Variants in LGR6 observed in about 807,000 individuals in gnomAD.
LGR6 encodes the protein leucine rich repeat containing G protein-coupled receptor 6, also known as leucine-rich repeat-containing G protein-coupled receptor 6.
Under a neutral mutation model 69.4 loss-of-function variants are expected in LGR6, and 45 were observed. The ratio of observed to expected loss-of-function variants is 0.65; its 90% CI spans 0.51 to 0.83. The LOEUF is 0.83. LGR6 is among the 40% of genes least tolerant of loss of function. LGR6 has a pLI of 0.00. For missense variants in LGR6, 1,108 were observed against 1,246.7 expected, an observed-to-expected ratio of 0.89 and a Z score of 1.68; for synonymous variants, 538 against 555.0, an observed-to-expected ratio of 0.97 and a Z score of 0.43.
chr1:202,260,243 T>A (rs1664119345), intron 4 of LGR6, among the ~76,000 whole-genome samples: 1 of 152,000 alleles, frequency 6.6e-6, no homozygotes, highest in Non-Finnish European at 1.5e-5. Context: ...TTTGTCATGT[T>A]GGCCAGACTG....
chr1:202,298,428 A>C (rs1364057440), intron 7 of LGR6, among the ~76,000 whole-genome samples: 1 of 152,168 alleles, frequency 6.6e-6, no homozygotes, highest in Non-Finnish European at 1.5e-5. Context: ...AGCTCTCAGG[A>C]AACAATAAGA....
intron 16 of LGR6, among the ~76,000 whole-genome samples, chr1:202,312,000 C>T (rs1386679338): frequency 1.3e-5 from 2 of 152,210 alleles, no homozygotes; most frequent in Admixed American, 6.5e-5. Flanking sequence ...GGGACATTCC[C>T]GGATGTCTGC....
intron 2 of LGR6, among the ~76,000 whole-genome samples, chr1:202,227,505 C>G (rs1339175279): frequency 1.3e-5 from 2 of 152,126 alleles, no homozygotes; most frequent in African/African-American, 4.8e-5. Context: ...ACAGACACAC[C>G]CCCTGGTACT....
chr1:202,307,417 A>G lies in LGR6; in HGVS notation c.1280+16A>G, dbSNP rs746366327. On this transcript the variant is annotated intron_variant, in intron 14 of 17. Transcript: ENST00000367278. ...TGGTCAAGCTGTAAGTGCCTGCTGC[A>G]TTCTCCTCCAGGATGCTGGGGGCCA... 1.3e-5 allele frequency: 21 copies of G among 1,613,158 alleles called. No homozygotes were observed. The highest frequency in any genetic ancestry group is 1.8e-5 in the Non-Finnish European group (21 of 1,179,220).
intron 6 of LGR6, among the ~76,000 whole-genome samples, chr1:202,285,776 T>A (rs1183628869): frequency 6.6e-6 from 1 of 152,162 alleles, no homozygotes; most frequent in Non-Finnish European, 1.5e-5. Flanking sequence ...TAATTTCCTG[T>A]GGCTGCCATA....
intron 6 of LGR6, among the ~76,000 whole-genome samples, chr1:202,289,685 G>A (rs1017608316): frequency 1.3e-5 from 2 of 152,178 alleles, no homozygotes; most frequent in Non-Finnish European, 2.9e-5. Flanking sequence ...TAAAGTTTTG[G>A]TTGGTTCCTG....
At chr1:202,310,863 T>C (rs770176499) in intron 16 of LGR6, among the ~76,000 whole-genome samples, 31 of 152,108 alleles carry the variant, frequency 2.0e-4, no homozygotes, top group African/African-American at 3.1e-4. Context: ...AAGTCCATCC[T>C]GCACCTCCAG....
At chr1:202,285,839 A>G (rs370102310) in intron 6 of LGR6, among the ~76,000 whole-genome samples, 3 of 152,180 alleles carry the variant, frequency 2.0e-5, no homozygotes, top group African/African-American at 7.2e-5. Context: ...ATTCTCTCAC[A>G]GTTCTAGAGG....
At chr1:202,237,744 TC>T (rs1322332447) in intron 4 of LGR6, among the ~76,000 whole-genome samples, 1 of 152,054 alleles carries the variant, frequency 6.6e-6, no homozygotes, top group Non-Finnish European at 1.5e-5. Context: ...AGAGGTCAAG[TC>T]CCCCACTCCC....
chr1:202,281,590 C>T (rs971539298), intron 6 of LGR6, among the ~76,000 whole-genome samples: 1 of 152,126 alleles, frequency 6.6e-6, no homozygotes, highest in African/African-American at 2.4e-5. Context: ...GCTGGGGTCC[C>T]TCAGCATCCA....
chr1:202,315,613 G>A (rs1347103001), intron 17 of LGR6, among the ~76,000 whole-genome samples: 3 of 152,028 alleles, frequency 2.0e-5, no homozygotes, highest in Admixed American at 6.5e-5. Flanking sequence ...AGAATGAACA[G>A]AAGTGATGAA....
intron 4 of LGR6, among the ~76,000 whole-genome samples, chr1:202,243,119 C>A (rs4993651): frequency 0.041 from 6,217 of 152,240 alleles, 158 homozygotes; most frequent in East Asian, 0.1. Flanking sequence ...CTCTCAAGAG[C>A]AATTCTGAGA....
chr1:202,214,727 C>G (rs1659649196), intron 1 of LGR6, among the ~76,000 whole-genome samples: 1 of 152,128 alleles, frequency 6.6e-6, no homozygotes, highest in South Asian at 2.1e-4. Flanking sequence ...TTCAAGAGCT[C>G]TATAAACTGC....
chr1:202,305,872 T>A lies in LGR6; in HGVS notation c.1136+123T>A, dbSNP rs1168973651. ...ACACTTTGACATTTCTTCCTTCTCT[T>A]TTCTGAGTTTGTTTAACCCAGAGTT... On this transcript the variant is annotated intron_variant, in intron 12 of 17. Coordinates refer to ENST00000367278, the MANE Select transcript of LGR6 (RefSeq NM_001017403.2). 9 of 819,656 alleles carry A rather than the reference T, an allele frequency of 1.1e-5. No homozygotes were observed. In the African/African-American group the frequency reaches 1.2e-4, roughly 11 times the overall value. 50.8% of individuals were successfully genotyped at this position (819,656 alleles called of 1,614,324 possible). A position where few individuals can be genotyped will look rare whatever the true frequency, so the allele number is the denominator to read the frequency against.
intron 15 of LGR6, 138 bp from the exon 16 acceptor site, chr1:202,310,059 A>C (rs1186843773): frequency 1.2e-6 from 1 of 814,294 alleles, no homozygotes; most frequent in Non-Finnish European, 2.0e-6. Context: ...GACTGCCAGC[A>C]CAGTGAACAG....
intron 1 of LGR6, among the ~76,000 whole-genome samples, chr1:202,220,706 C>T (rs957700269): frequency 2.4e-4 from 31 of 128,088 alleles, no homozygotes; most frequent in Non-Finnish European, 1.7e-5. Context: ...GTTGAGTGAT[C>T]ATATGCAAAA....
At chr1:202,297,359 A>G (rs1240816755) in intron 6 of LGR6, 149 bp from the exon 7 acceptor site, 1 of 656,850 alleles carries the variant, frequency 1.5e-6, no homozygotes, top group Non-Finnish European at 2.7e-6. Context: ...GAACATTCCA[A>G]AATGTGTTTC....
At chr1:202,273,418 CCAGTGGGTTGCTG>C (rs959030936) in intron 4 of LGR6, among the ~76,000 whole-genome samples, 1 of 151,878 alleles carries the variant, frequency 6.6e-6, no homozygotes, top group African/African-American at 2.4e-5. Context: ...GGCCCCACAT[CCAGTGGGTTGCTG>C]GGCCTTATCA....
rs1231181464 is a variant in LGR6, at chr1:202,268,469, T to A, written c.429-7837T>A. 6.6e-6 allele frequency among the ~76,000 whole-genome samples: 1 copy of A among 151,902 alleles called. No individual in the cohort carries two copies. Among genetic ancestry groups the A allele is most frequent in the East Asian group, 1.9e-4 (1 of 5,172 alleles). ...CCATAGTGGCTGCTTTTTTTTTTTT[T>A]AACTTTTAATATCCTCCCCCTTCCA... On this transcript the variant is annotated intron_variant, in intron 4 of 17. Coordinates refer to ENST00000367278, the MANE Select transcript of LGR6 (RefSeq NM_001017403.2). The surrounding 1 kb of genome is among the most constrained non-coding windows in gnomAD (Gnocchi z 4.4).
Sources: gnomAD v4.1 joint callset for allele counts (sites outside exome capture counted in the v4.1 genomes callset) on GRCh38, gnomAD v4.1.1 for gene constraint, Gnocchi (gnomAD v3.1) non-coding constraint, MANE v1.5 for transcripts, NCBI Gene and HGNC (gene_info 2026-07-23, HGNC 2026-07-21) for gene names.